Variants in GRM7 observed in about 807,000 individuals in gnomAD.
The protein encoded by GRM7 is metabotropic glutamate receptor 7.
A neutral mutation model predicts 84.5 loss-of-function variants in GRM7; 35 were observed. That is an observed-to-expected ratio of 0.41 (90% confidence interval 0.32 to 0.55). The LOEUF is 0.55. GRM7 is among the 20% of genes least tolerant of loss of function. The probability of loss-of-function intolerance (pLI) is 0.19; values close to 1 mark genes in which losing one functional copy is unlikely to be tolerated. For missense variants in GRM7, 1,003 were observed against 1,194.6 expected, an observed-to-expected ratio of 0.84 and a Z score of 2.36; for synonymous variants, 487 against 455.1, an observed-to-expected ratio of 1.07 and a Z score of -0.89.
At chr3:7,057,607 C>A (rs1020362469) in intron 1 of GRM7, among the ~76,000 whole-genome samples, 37 of 151,986 alleles carry the variant, frequency 2.4e-4, no homozygotes, top group African/African-American at 8.7e-4. Context: ...AAAATCAGTT[C>A]ATACTTCTGG....
chr3:7,664,222 C>A (rs1412630276), intron 8 of GRM7, among the ~76,000 whole-genome samples: 1 of 152,180 alleles, frequency 6.6e-6, no homozygotes, highest in Non-Finnish European at 1.5e-5. Context: ...CAACTCACTC[C>A]CTCAATTGCT....
At chr3:6,993,650 C>T (rs367618200) in intron 1 of GRM7, among the ~76,000 whole-genome samples, 6 of 152,146 alleles carry the variant, frequency 3.9e-5, no homozygotes, top group Non-Finnish European at 8.8e-5. Context: ...GTGGTAGAGA[C>T]TCTATTCAGA....
chr3:6,991,150 T>C (rs1694621196), intron 1 of GRM7, among the ~76,000 whole-genome samples: 1 of 152,156 alleles, frequency 6.6e-6, no homozygotes, highest in Admixed American at 6.5e-5. Flanking sequence ...TTTACTCCCA[T>C]TGTGCATGAG....
chr3:7,163,280 GC>G (rs1694693237), intron 2 of GRM7, among the ~76,000 whole-genome samples: 1 of 152,122 alleles, frequency 6.6e-6, no homozygotes, highest in Non-Finnish European at 1.5e-5. Context: ...GCTAGACAGG[GC>G]CCCCCAAATG....
intron 5 of GRM7, among the ~76,000 whole-genome samples, chr3:7,421,216 C>G (rs972512527): frequency 6.6e-6 from 1 of 152,148 alleles, no homozygotes; most frequent in African/African-American, 2.4e-5. Flanking sequence ...AATTTAACCT[C>G]TTTTCAAGGG....
chr3:7,103,812 T>TGTCTCTCTCTCCC (rs1559443596), intron 1 of GRM7, among the ~76,000 whole-genome samples: 1 of 81,788 alleles, frequency 1.2e-5, no homozygotes, highest in African/African-American at 7.9e-5. Flanking sequence ...CTTTCTTTCT[T>TGTCTCTCTCTCCC]TCTTTCTCTC....
intron 2 of GRM7, among the ~76,000 whole-genome samples, chr3:7,252,114 T>G (rs1315519891): frequency 6.6e-6 from 1 of 152,104 alleles, no homozygotes; most frequent in Non-Finnish European, 1.5e-5. Context: ...TATAACTCTT[T>G]CCTGGGGTAG....
At chr3:6,930,103 C>T (rs144693866) in intron 1 of GRM7, among the ~76,000 whole-genome samples, 19 of 152,282 alleles carry the variant, frequency 1.2e-4, no homozygotes, top group African/African-American at 4.3e-4. Flanking sequence ...AATCCCAACC[C>T]TACTGTTGAC....
At chr3:7,040,980 G>A (rs898905267) in intron 1 of GRM7, among the ~76,000 whole-genome samples, 1 of 151,768 alleles carries the variant, frequency 6.6e-6, no homozygotes, top group Non-Finnish European at 1.5e-5. Flanking sequence ...CTACTCAAGA[G>A]GCTGAGGTGG....
Position 7,250,131 on chromosome 3 carries a change from A to G in GRM7, c.737-48553A>G, listed in dbSNP as rs796765269. Among the ~76,000 whole-genome samples the G allele has an allele frequency of 5.9e-5, 9 of 152,206 alleles. No homozygotes were observed. In the South Asian group the frequency reaches 1.9e-3, roughly 31 times the overall value. ...TCTACTGAGAAAGAGAAGAGTGGATATTGGCAGAACAACATATTTGAAACC... is the reference window on the plus strand; with the variant it reads ...TCTACTGAGAAAGAGAAGAGTGGATGTTGGCAGAACAACATATTTGAAACC... On this transcript the variant is annotated intron_variant, in intron 2 of 9. Transcript: ENST00000357716.
chr3:6,973,053 C>G (rs1693824901), intron 1 of GRM7, among the ~76,000 whole-genome samples: 1 of 152,174 alleles, frequency 6.6e-6, no homozygotes, highest in East Asian at 1.9e-4. Flanking sequence ...GCATTTTACG[C>G]CTTATTTTCT....
chr3:6,954,924 G>A (rs1490168198), intron 1 of GRM7, among the ~76,000 whole-genome samples: 1 of 152,164 alleles, frequency 6.6e-6, no homozygotes, highest in Non-Finnish European at 1.5e-5. Flanking sequence ...AGGTTTTGTT[G>A]CTTTTAACTG....
intron 2 of GRM7, among the ~76,000 whole-genome samples, chr3:7,187,226 A>AC (rs1559492058): frequency 2.3e-4 from 34 of 146,514 alleles, no homozygotes; most frequent in African/African-American, 9.3e-4. Flanking sequence ...CACACACACA[A>AC]AATCTTGTCC....
chr3:7,268,162 T>A (rs1698716146), intron 2 of GRM7, among the ~76,000 whole-genome samples: 1 of 152,120 alleles, frequency 6.6e-6, no homozygotes. Flanking sequence ...TTTAACTAAT[T>A]ATTAATAAAG....
intron 6 of GRM7, among the ~76,000 whole-genome samples, chr3:7,455,298 C>T (rs573093518): frequency 6.6e-6 from 1 of 152,250 alleles, no homozygotes; most frequent in African/African-American, 2.4e-5. Context: ...AGGCAAGAAT[C>T]ATGGGATGCT....
intron 2 of GRM7, among the ~76,000 whole-genome samples, chr3:7,268,454 T>C (rs1422493543): frequency 1.3e-5 from 2 of 151,856 alleles, no homozygotes; most frequent in Non-Finnish European, 2.9e-5. Flanking sequence ...AGACCCTGTC[T>C]TAAAAAAAAA....
intron 7 of GRM7, among the ~76,000 whole-genome samples, chr3:7,539,291 C>T (rs941237554): frequency 5.9e-5 from 9 of 152,120 alleles, no homozygotes. Flanking sequence ...ACGAGAACAG[C>T]GTGCGTAATT....
At chr3:7,517,203 T>A (rs1700423420) in intron 7 of GRM7, among the ~76,000 whole-genome samples, 1 of 152,216 alleles carries the variant, frequency 6.6e-6, no homozygotes, top group Non-Finnish European at 1.5e-5. Flanking sequence ...TTGAGGTAGA[T>A]GCAGAGAAGT....
chr3:6,964,603 C>A (rs1232572381), intron 1 of GRM7, among the ~76,000 whole-genome samples: 1 of 152,146 alleles, frequency 6.6e-6, no homozygotes, highest in Non-Finnish European at 1.5e-5. Context: ...CTTTACACTT[C>A]CCCCAGAAAT....
Sources: gnomAD v4.1 joint callset for allele counts (sites outside exome capture counted in the v4.1 genomes callset) on GRCh38, gnomAD v4.1.1 for gene constraint, MANE v1.5 for transcripts, NCBI Gene and HGNC (gene_info 2026-07-23, HGNC 2026-07-21) for gene names.